PRKCA: variants seen among roughly 807,000 people sequenced by gnomAD.
PRKCA encodes the protein protein kinase C alpha.
A neutral mutation model predicts 87.0 loss-of-function variants in PRKCA; 27 were observed. The observed-to-expected ratio is 0.31, with a 90% CI of 0.23 to 0.43. The LOEUF is 0.43. PRKCA is among the 20% of genes least tolerant of loss of function. The probability of loss-of-function intolerance (pLI) is 1.00; values close to 1 mark genes in which losing one functional copy is unlikely to be tolerated. For synonymous variants in PRKCA, 329 were observed against 311.1 expected, an observed-to-expected ratio of 1.06 and a Z score of -0.61; for missense variants, 518 against 852.3, an observed-to-expected ratio of 0.61 and a Z score of 4.88.
At chr17:66,369,047 T>G (rs547073371) in intron 2 of PRKCA, among the ~76,000 whole-genome samples, 1 of 152,214 alleles carries the variant, frequency 6.6e-6, no homozygotes, top group Non-Finnish European at 1.5e-5. Flanking sequence ...TGTCACCTTC[T>G]TCCCAAGTGG....
chr17:66,452,881 A>AAAAC (rs1345369596), intron 2 of PRKCA, among the ~76,000 whole-genome samples: 1 of 152,228 alleles, frequency 6.6e-6, no homozygotes, highest in Non-Finnish European at 1.5e-5. Context: ...AACAAACAAA[A>AAAAC]AAACAAACAA....
At position 66,587,891 on chromosome 17, in the gene PRKCA, GTGTGTATATATATATA is replaced by G. The variant is rs1200918044; in HGVS notation, c.289-53462_289-53447del. 9.3e-4 allele frequency among the ~76,000 whole-genome samples: 81 copies of G among 87,138 alleles called. 7 individuals are homozygous for G. Among genetic ancestry groups the G allele is most frequent in the South Asian group, 2.8e-3 (7 of 2,504 alleles). The allele number at this position is 87,138 out of a possible 152,430, so 57.2% of individuals were successfully genotyped here. On this transcript the variant is annotated intron_variant, in intron 3 of 16. Transcript: ENST00000413366. ...TGTATGTGTGTGTGTGTGTGTGTGT[GTGTGTATATATATATA>G]TATATATATATATATATATATATAT...
chr17:66,514,049 A>G (rs1195449957), intron 3 of PRKCA, among the ~76,000 whole-genome samples: 1 of 152,190 alleles, frequency 6.6e-6, no homozygotes, highest in Non-Finnish European at 1.5e-5. Flanking sequence ...GACCACATTC[A>G]CATAACTTTT....
intron 2 of PRKCA, among the ~76,000 whole-genome samples, chr17:66,337,847 T>C (rs993947393): frequency 6.6e-6 from 1 of 152,240 alleles, no homozygotes; most frequent in Non-Finnish European, 1.5e-5. Flanking sequence ...ATGGAATTCT[T>C]GTAATCTTAA....
At chr17:66,416,616 A>G (rs1414416832) in intron 2 of PRKCA, 1 of 152,288 alleles carries the variant, frequency 6.6e-6, no homozygotes, top group East Asian at 1.9e-4. Context: ...AATCCACCCA[A>G]TAGTCTCAAG....
chr17:66,665,386 G>A (rs956921987), intron 5 of PRKCA, among the ~76,000 whole-genome samples: 5 of 152,116 alleles, frequency 3.3e-5, no homozygotes, highest in African/African-American at 1.2e-4. Flanking sequence ...TCTGGTATAC[G>A]CTGAGTCACC....
Position 66,701,094 on chromosome 17 carries a change from T to G in PRKCA, c.918+12047T>G, listed in dbSNP as rs540199432. Among the ~76,000 whole-genome samples, 4 of 152,210 alleles carry G rather than the reference T, an allele frequency of 2.6e-5. No individual in the cohort carries two copies. In the South Asian group the frequency reaches 8.3e-4, roughly 32 times the overall value. ...CACAGTATGGTACTGGCATACAAAC[T>G]GACATACAAACCAGTAGAACAGAAT... On this transcript the variant is annotated intron_variant, in intron 8 of 16. Transcript: ENST00000413366.
At chr17:66,541,703 A>G (rs1281428089) in intron 3 of PRKCA, among the ~76,000 whole-genome samples, 1 of 152,236 alleles carries the variant, frequency 6.6e-6, no homozygotes, top group Non-Finnish European at 1.5e-5. Context: ...TTTTGAGGCG[A>G]CAGGTTATGC....
At chr17:66,365,684 T>C (rs1244110726) in intron 2 of PRKCA, among the ~76,000 whole-genome samples, 1 of 152,182 alleles carries the variant, frequency 6.6e-6, no homozygotes, top group Non-Finnish European at 1.5e-5. Context: ...TAATTCTCCT[T>C]GACAGAAAAT....
At chr17:66,566,480 G>GTTTTTTTTTTTTTTTTT (rs56912157) in intron 3 of PRKCA, among the ~76,000 whole-genome samples, 1 of 97,022 alleles carries the variant, frequency 1.0e-5, no homozygotes, top group African/African-American at 3.7e-5. Flanking sequence ...TTGTTTTTTG[G>GTTTTTTTTTTTTTTTTT]TTTTTTTTTT....
rs556662456 is a variant in PRKCA at position 66,747,596 on chromosome 17, G to A, written c.1524+4836G>A. The stretch of plus-strand genomic sequence containing the variant: ...AAGAGCAAAGGTGGGATTTGGATCC[G>A]AGATGTTCTGACCGGAGCCCGTACG... On this transcript the variant is annotated intron_variant, in intron 13 of 16. Transcript: ENST00000413366. 1.3e-4 allele frequency among the ~76,000 whole-genome samples: 20 copies of A among 152,324 alleles called. No homozygotes were observed. In the South Asian group the frequency reaches 3.7e-3, roughly 28 times the overall value.
At chr17:66,336,701 T>C (rs941869852) in intron 2 of PRKCA, among the ~76,000 whole-genome samples, 3 of 151,940 alleles carry the variant, frequency 2.0e-5, no homozygotes, top group Non-Finnish European at 2.9e-5. Context: ...TCATATATAA[T>C]GTTTTACCCT....
At chr17:66,474,104 A>T (rs532585346) in intron 2 of PRKCA, among the ~76,000 whole-genome samples, 1 of 152,246 alleles carries the variant, frequency 6.6e-6, no homozygotes, top group Non-Finnish European at 1.5e-5. Context: ...CATCAGTATT[A>T]TGAAGACTAT....
chr17:66,332,712 G>T (rs1345649685), intron 2 of PRKCA, among the ~76,000 whole-genome samples: 1 of 138,376 alleles, frequency 7.2e-6, no homozygotes, highest in Non-Finnish European at 1.6e-5. Context: ...TTTTTTTTGA[G>T]ATGGAGTCTC....
At chr17:66,754,250 T>C (rs932183319) in intron 13 of PRKCA, among the ~76,000 whole-genome samples, 2 of 152,020 alleles carry the variant, frequency 1.3e-5, no homozygotes, top group African/African-American at 4.8e-5. Flanking sequence ...ATTCATACAA[T>C]CAACATCGTT....
chr17:66,732,953 C>T, intron 9 of PRKCA, 128 bp downstream of exon 9: 1 of 1,198,142 alleles, frequency 8.3e-7, no homozygotes, highest in South Asian at 1.6e-5. Context: ...AGATCAAGAC[C>T]ATCCTGGCTA....
intron 11 of PRKCA, 75 bp downstream of exon 11, chr17:66,738,930 CGCTT>C: frequency 8.6e-7 from 1 of 1,161,764 alleles, no homozygotes; most frequent in East Asian, 2.5e-5. Flanking sequence ...TTTTCCCCCC[CGCTT>C]GAGATTGGGG....
intron 5 of PRKCA, among the ~76,000 whole-genome samples, chr17:66,657,526 C>G (rs1971768508): frequency 6.6e-6 from 1 of 152,136 alleles, no homozygotes; most frequent in Non-Finnish European, 1.5e-5. Flanking sequence ...GCACTGACCT[C>G]CCTTTCTCTT....
intron 3 of PRKCA, among the ~76,000 whole-genome samples, chr17:66,544,412 C>T (rs755334981): frequency 8.6e-5 from 13 of 151,868 alleles, no homozygotes; most frequent in African/African-American, 1.5e-4. Flanking sequence ...ACTTAAAGTG[C>T]GTTTTAGAAA....
Sources: allele counts gnomAD v4.1 joint callset (sites outside exome capture counted in the v4.1 genomes callset), GRCh38; gene constraint gnomAD v4.1.1; transcripts MANE v1.5; gene names NCBI Gene and HGNC (gene_info 2026-07-23, HGNC 2026-07-21).